The following AGGF1 variants were observed in gnomAD, a reference collection of about 807,000 sequenced individuals.
AGGF1 encodes the protein angiogenic factor with G-patch and FHA domains 1.
In AGGF1, 56 loss-of-function variants were observed where a neutral mutation model predicts 86.5. That is an observed-to-expected ratio of 0.65 (90% CI 0.52 to 0.81). The LOEUF (loss-of-function observed/expected upper bound fraction) is 0.81. Among genes scored for constraint, AGGF1 ranks in the 30% least tolerant of loss-of-function variants. AGGF1 has a pLI of 0.00. For synonymous variants in AGGF1, 313 were observed against 297.1 expected (o/e 1.05, Z -0.55); for missense variants, 816 against 850.9 (o/e 0.96, Z 0.51).
Position 77,055,357 on chromosome 5 carries a change from C to T in AGGF1, c.1634-157C>T, listed in dbSNP as rs554165424. Among the ~76,000 whole-genome samples, 3 of 152,258 alleles carry T rather than the reference C, an allele frequency of 2.0e-5. No individual in the cohort carries two copies. In the East Asian group the frequency reaches 5.8e-4, roughly 29 times the overall value. ...AGTTACCAAAATGCTGAAAGGACAT[C>T]ATCACAACCCAATATCCTTTATATT... On this transcript the variant is annotated intron_variant, in intron 10 of 13. Coordinates refer to ENST00000312916, the MANE Select transcript of AGGF1 (RefSeq NM_018046.5).
Position 77,039,705 on chromosome 5 carries a change from A to T in AGGF1, c.856A>T (p.Thr286Ser). The change falls in exon 5 of 14, where the codon ACA becomes TCA. Residue 286 changes from threonine to serine, a missense_variant. This residue lies in a region of AGGF1 where 565 missense variants were observed against 585.8 expected (regional missense o/e 0.96). Coordinates refer to ENST00000312916, the MANE Select transcript of AGGF1 (RefSeq NM_018046.5). ...KKRKDPDSSATNEEKDLNSED... is the reference protein window; with the variant it reads ...KKRKDPDSSASNEEKDLNSED... ...AAGAAAAGATCCAGATTCTTCTGCAACAAATGAGGAAAAGGTAATGTCTTT... is the reference window on the plus strand; with the variant it reads ...AAGAAAAGATCCAGATTCTTCTGCATCAAATGAGGAAAAGGTAATGTCTTT... 1 of 1,611,560 alleles carries T rather than the reference A, an allele frequency of 6.2e-7. No individual in the cohort carries two copies. Among genetic ancestry groups the T allele is most frequent in the Non-Finnish European group, 8.5e-7 (1 of 1,178,596 alleles).
At chr5:77,049,812 A>C (rs541909400) in intron 8 of AGGF1, among the ~76,000 whole-genome samples, 22 of 152,104 alleles carry the variant, frequency 1.4e-4, no homozygotes, top group African/African-American at 5.3e-4. Flanking sequence ...TGCCTCCCAA[A>C]GTGTTGGGAT....
chr5:77,053,242 C>T (rs1164047163), intron 9 of AGGF1, among the ~76,000 whole-genome samples: 3 of 152,124 alleles, frequency 2.0e-5, no homozygotes, highest in African/African-American at 7.2e-5. Flanking sequence ...AGGGGCTGGG[C>T]GTGTTGGTTC....
chr5:77,031,916 A>G (rs915591113), intron 1 of AGGF1, among the ~76,000 whole-genome samples: 1 of 152,092 alleles, frequency 6.6e-6, no homozygotes, highest in Non-Finnish European at 1.5e-5. Context: ...AATAAAAACC[A>G]AAAAACCAAG....
At chr5:77,052,655 A>G (rs927779868) in intron 8 of AGGF1, 51 bp from the exon 9 acceptor site, 8 of 1,329,864 alleles carry the variant, frequency 6.0e-6, no homozygotes, top group African/African-American at 5.8e-5. Flanking sequence ...GAAATTGTCC[A>G]TAGTTTTGAA....
chr5:77,048,877 A>G lies in AGGF1; in HGVS notation c.1314-59A>G, dbSNP rs974722122. 6.9e-5 allele frequency: 104 copies of G among 1,499,666 alleles called. No individual in the cohort carries two copies. The Middle Eastern group carries it at 7.6e-4, about 11-fold the overall frequency. The allele number at this position is 1,499,666 out of a possible 1,614,324, so 92.9% of individuals were successfully genotyped here. The stretch of plus-strand genomic sequence containing the variant: ...TTATCTGTTTTTTAAAATTCTTTCC[A>G]TGTCACTTTATATAATATGCTTCAA... On this transcript the variant is annotated intron_variant, in intron 7 of 13. Transcript: ENST00000312916.
intron 5 of AGGF1, 127 bp downstream of exon 5, chr5:77,039,846 G>A: frequency 2.6e-6 from 2 of 782,154 alleles, no homozygotes; most frequent in South Asian, 1.9e-5. Context: ...AGATAACCTA[G>A]GAAAGTTTAG....
At chr5:77,061,843 A>G (rs2150736107) in intron 13 of AGGF1, 41 bp downstream of exon 13, 2 of 1,565,584 alleles carry the variant, frequency 1.3e-6, no homozygotes, top group East Asian at 2.2e-5. Context: ...TTCCTAGAGC[A>G]GACATTTACC....
chr5:77,040,420 T>TAAA (rs11320289), intron 5 of AGGF1, among the ~76,000 whole-genome samples: 70 of 139,436 alleles, frequency 5.0e-4, no homozygotes, highest in African/African-American at 1.7e-3. Flanking sequence ...AGGAAAATAT[T>TAAA]AAAAAAAAAA....
intron 12 of AGGF1, among the ~76,000 whole-genome samples, chr5:77,060,651 A>T (rs1485372956): frequency 6.6e-6 from 1 of 152,154 alleles, no homozygotes; most frequent in Non-Finnish European, 1.5e-5. Context: ...TAAAGTTTTG[A>T]TTCAATATCA....
intron 5 of AGGF1, 96 bp from the exon 6 acceptor site, chr5:77,046,251 C>T: frequency 9.5e-7 from 1 of 1,056,626 alleles, no homozygotes; most frequent in Non-Finnish European, 1.5e-6. Flanking sequence ...TGACACATAT[C>T]TTCACGAATT....
chr5:77,043,613 T>C (rs1222829998), intron 5 of AGGF1, among the ~76,000 whole-genome samples: 1 of 112,852 alleles, frequency 8.9e-6, no homozygotes, highest in Non-Finnish European at 1.8e-5. Context: ...ATGGCACGGC[T>C]GGCCGGGCGG....
chr5:77,055,730 T>A (rs1038144632), intron 11 of AGGF1, 134 bp downstream of exon 11: 1 of 628,624 alleles, frequency 1.6e-6, no homozygotes, highest in Non-Finnish European at 2.7e-6. Flanking sequence ...ATTAGTTTAC[T>A]GTTCTGGTAT....
Position 77,034,409 on chromosome 5 carries a change from T to G in AGGF1, c.211-9T>G, listed in dbSNP as rs1472202583. ...GATTTCTTTTTCCTAAAGCCTTGTTTTCTCTCAGGTGGAAGAACTCAGTAA... is the reference window on the plus strand; with the variant it reads ...GATTTCTTTTTCCTAAAGCCTTGTTGTCTCTCAGGTGGAAGAACTCAGTAA... On this transcript the variant is annotated splice_polypyrimidine_tract_variant and intron_variant, in intron 1 of 13. Coordinates refer to ENST00000312916, the MANE Select transcript of AGGF1 (RefSeq NM_018046.5). 6.4e-7 allele frequency: 1 copy of G among 1,568,946 alleles called. No homozygotes were observed. The highest frequency in any genetic ancestry group is 8.8e-7 in the Non-Finnish European group (1 of 1,139,028).
chr5:77,035,516 A>G (rs1554045975), intron 2 of AGGF1, 25 bp from the exon 3 acceptor site: 4 of 1,549,356 alleles, frequency 2.6e-6, no homozygotes, highest in Non-Finnish European at 3.6e-6. Context: ...ATATGATACG[A>G]TTTCACTTCA....
At chr5:77,056,341 G>C (rs1449096907) in intron 11 of AGGF1, among the ~76,000 whole-genome samples, 1 of 146,436 alleles carries the variant, frequency 6.8e-6, no homozygotes, top group Non-Finnish European at 1.5e-5. Context: ...TGATTGTCCT[G>C]CCTCAGCCTG....
At chr5:77,050,534 T>C (rs894519753) in intron 8 of AGGF1, among the ~76,000 whole-genome samples, 2 of 152,082 alleles carry the variant, frequency 1.3e-5, no homozygotes, top group South Asian at 4.1e-4. Context: ...GCTAGTGGGG[T>C]GGATAATTTG....
chr5:77,055,129 G>A (rs770897675), intron 10 of AGGF1, among the ~76,000 whole-genome samples: 3 of 152,170 alleles, frequency 2.0e-5, no homozygotes, highest in African/African-American at 7.2e-5. Context: ...TGAATATGTT[G>A]CATTACACAA....
chr5:77,061,873 A>T (rs781373338), intron 13 of AGGF1, 71 bp downstream of exon 13: 1 of 1,439,344 alleles, frequency 6.9e-7, no homozygotes, highest in Non-Finnish European at 9.8e-7. Flanking sequence ...AATGTGCCAA[A>T]CGTTGCCTTA....
Sources: allele counts gnomAD v4.1 joint callset (sites outside exome capture counted in the v4.1 genomes callset), GRCh38; gene constraint gnomAD v4.1.1; regional missense constraint gnomAD v4.1.1; transcripts MANE v1.5; gene names NCBI Gene and HGNC (gene_info 2026-07-23, HGNC 2026-07-21).